The following CD8B2 variants were observed in gnomAD, a reference collection of about 807,000 sequenced individuals.
CD8B2 encodes the protein CD8B family member 2.
CD8B2 carries 11 observed loss-of-function variants against 23.7 expected under a neutral mutation model. The observed-to-expected ratio is 0.46, with a 90% CI of 0.29 to 0.77. CD8B2 has a LOEUF of 0.77. CD8B2 is among the 30% of genes least tolerant of loss of function. The pLI, the probability that CD8B2 is intolerant of heterozygous loss-of-function variation, is 0.09. For synonymous variants in CD8B2, 90 were observed against 109.3 expected, an observed-to-expected ratio of 0.82 and a Z score of 1.10; for missense variants, 197 against 270.5, an observed-to-expected ratio of 0.73 and a Z score of 1.91.
intron 4 of CD8B2, among the ~76,000 whole-genome samples, chr2:106,503,712 T>TG (rs1491529289): frequency 6.9e-4 from 1 of 1,448 alleles, no homozygotes; most frequent in East Asian, 0.056. Context: ...GGAGGGAGGA[T>TG]CACTTGAGCC....
At chr2:106,532,806 T>C (rs575592323) in intron 5 of CD8B2, among the ~76,000 whole-genome samples, 3 of 152,332 alleles carry the variant, frequency 2.0e-5, no homozygotes, top group South Asian at 2.1e-4. Flanking sequence ...CTGGCTTCTT[T>C]ACTGCAATCT....
chr2:106,510,779 A>G lies in CD8B2; in HGVS notation c.*3839A>G, dbSNP rs888881522. The G allele has an allele frequency of 6.6e-6, 1 of 151,988 alleles. No individual in the cohort carries two copies. The highest frequency in any genetic ancestry group is 2.4e-5 in the African/African-American group (1 of 41,366). 9.4% of individuals were successfully genotyped at this position (151,988 alleles called of 1,614,324 possible). A position where few individuals can be genotyped will look rare whatever the true frequency, so the allele number is the denominator to read the frequency against. On this transcript the variant is annotated 3_prime_UTR_variant, in exon 6 of 6. Coordinates refer to ENST00000643224, the MANE Select transcript of CD8B2 (RefSeq NM_001349727.2). Reference sequence around the variant, plus strand: ...AAGTTTCTTGTTTTTTTTTCTTCCCATATTTTTTAAAACATAAAATTGAAA... The same window carrying G: ...AAGTTTCTTGTTTTTTTTTCTTCCCGTATTTTTTAAAACATAAAATTGAAA...
At chr2:106,488,977 T>C (rs1164643293) in intron 1 of CD8B2, among the ~76,000 whole-genome samples, 1 of 151,824 alleles carries the variant, frequency 6.6e-6, no homozygotes, top group Non-Finnish European at 1.5e-5. Context: ...ATTTCCTTCT[T>C]GTTTTTATTT....
intron 5 of CD8B2, among the ~76,000 whole-genome samples, chr2:106,504,696 A>ATTC (rs1679472511): frequency 6.6e-6 from 1 of 152,212 alleles, no homozygotes; most frequent in East Asian, 1.9e-4. Context: ...TTTCAACAAC[A>ATTC]TTCTTAGCTC....
At chr2:106,529,439 C>T (rs930748141) in intron 5 of CD8B2, among the ~76,000 whole-genome samples, 14 of 152,172 alleles carry the variant, frequency 9.2e-5, no homozygotes, top group Non-Finnish European at 1.5e-5. Context: ...ATCTCAAGTA[C>T]CATATGCCCA....
Position 106,507,046 on chromosome 2 carries a change from T to A in CD8B2, c.*106T>A. 2.0e-6 allele frequency: 3 copies of A among 1,500,382 alleles called. No individual in the cohort carries two copies. Among genetic ancestry groups the A allele is most frequent in the Non-Finnish European group, 2.7e-6 (3 of 1,123,354 alleles). 92.9% of individuals were successfully genotyped at this position (1,500,382 alleles called of 1,614,324 possible). On this transcript the variant is annotated 3_prime_UTR_variant, in exon 6 of 6. Coordinates refer to ENST00000643224, the MANE Select transcript of CD8B2 (RefSeq NM_001349727.2). ...ACACATTCAACCCTGGAGAGTTCAA[T>A]GGCTGCTGAAGCTGCCTGCTTTTCA...
At chr2:106,505,137 G>A (rs1255076610) in intron 5 of CD8B2, among the ~76,000 whole-genome samples, 1 of 152,178 alleles carries the variant, frequency 6.6e-6, no homozygotes, top group African/African-American at 2.4e-5. Context: ...TCATGAGGCT[G>A]TTGGAAGCCA....
At chr2:106,495,059 G>A (rs1027880307) in intron 2 of CD8B2, among the ~76,000 whole-genome samples, 1 of 152,030 alleles carries the variant, frequency 6.6e-6, no homozygotes, top group Non-Finnish European at 1.5e-5. Flanking sequence ...CCAGCCCTGG[G>A]GCTCAAGGTC....
chr2:106,511,476 A>G (rs1679630130), downstream of CD8B2, among the ~76,000 whole-genome samples: 1 of 122,870 alleles, frequency 8.1e-6, no homozygotes, highest in African/African-American at 3.1e-5. Context: ...AGTGGGAAGT[A>G]GCCTGCAGGT....
At chr2:106,506,833 ACT>A in intron 5 of CD8B2, 93 bp from the exon 6 acceptor site, 1 of 1,583,548 alleles carries the variant, frequency 6.3e-7, no homozygotes, top group Non-Finnish European at 8.6e-7. Context: ...TTGGAGTAGA[ACT>A]CTGCATTCTC....
chr2:106,490,076 C>T (rs1679161274), intron 1 of CD8B2, among the ~76,000 whole-genome samples: 1 of 152,046 alleles, frequency 6.6e-6, no homozygotes, highest in Non-Finnish European at 1.5e-5. Flanking sequence ...GCTCGGGGGT[C>T]ATGGGCTGTA....
chr2:106,488,541 G>T (rs1242878848), intron 1 of CD8B2, among the ~76,000 whole-genome samples: 1 of 152,194 alleles, frequency 6.6e-6, no homozygotes, highest in Non-Finnish European at 1.5e-5. Flanking sequence ...TCCCTGAAGG[G>T]CTTCGGGCAC....
intron 5 of CD8B2, among the ~76,000 whole-genome samples, chr2:106,531,960 G>T (rs1239011544): frequency 6.6e-6 from 1 of 152,188 alleles, no homozygotes; most frequent in East Asian, 1.9e-4. Flanking sequence ...TTTGCCGCAG[G>T]CCAGCTTTCA....
At chr2:106,524,809 C>T (rs927309957) in intron 5 of CD8B2, among the ~76,000 whole-genome samples, 9 of 152,124 alleles carry the variant, frequency 5.9e-5, no homozygotes, top group Non-Finnish European at 1.2e-4. Context: ...TGCAGTTCCC[C>T]ACCAGGCTGC....
chr2:106,493,768 A>C (rs898341984), intron 2 of CD8B2, among the ~76,000 whole-genome samples: 2 of 152,188 alleles, frequency 1.3e-5, no homozygotes, highest in African/African-American at 4.8e-5. Flanking sequence ...AGGTTCTAGA[A>C]TCAAGGTCTT....
intron 5 of CD8B2, among the ~76,000 whole-genome samples, chr2:106,531,095 A>G (rs1206128464): frequency 6.6e-6 from 1 of 152,162 alleles, no homozygotes; most frequent in African/African-American, 2.4e-5. Context: ...GACTCACCCT[A>G]AATTATTTCT....
intron 3 of CD8B2, among the ~76,000 whole-genome samples, chr2:106,496,737 G>T (rs1014526693): frequency 1.3e-5 from 2 of 151,880 alleles, no homozygotes; most frequent in Middle Eastern, 3.4e-3. Context: ...AATGTAGATT[G>T]GTTGCTGCCT....
intron 5 of CD8B2, among the ~76,000 whole-genome samples, chr2:106,517,063 C>T (rs947873885): frequency 6.7e-6 from 1 of 148,410 alleles, no homozygotes; most frequent in African/African-American, 2.5e-5. Context: ...ATTATATTAT[C>T]GATTTCATTA....
chr2:106,495,662 C>T (rs1265669870), intron 2 of CD8B2, among the ~76,000 whole-genome samples: 1 of 152,234 alleles, frequency 6.6e-6, no homozygotes, highest in Non-Finnish European at 1.5e-5. Flanking sequence ...CCTAGGCCCT[C>T]ACCCCTTTCC....
Sources: gnomAD v4.1 joint callset for allele counts (sites outside exome capture counted in the v4.1 genomes callset) on GRCh38, gnomAD v4.1.1 for gene constraint, MANE v1.5 for transcripts, NCBI Gene and HGNC (gene_info 2026-07-23, HGNC 2026-07-21) for gene names.